Variants in MROH1 observed in about 807,000 individuals in gnomAD.
The protein encoded by MROH1 is maestro heat like repeat family member 1.
In MROH1, 117 loss-of-function variants were observed where a neutral mutation model predicts 116.5. The ratio of observed to expected loss-of-function variants is 1.00; its 90% confidence interval spans 0.86 to 1.17. MROH1 has a LOEUF of 1.17. MROH1 is among the 50% of genes most tolerant of loss of function. The pLI is 0.00. For missense variants in MROH1, 1,873 were observed against 1,338.5 expected (o/e 1.40, Z -6.23); for synonymous variants, 921 against 583.9 (o/e 1.58, Z -8.32).
At chr8:144,229,235 T>A (rs997355128) in intron 14 of MROH1, among the ~76,000 whole-genome samples, 1 of 152,198 alleles carries the variant, frequency 6.6e-6, no homozygotes, top group Non-Finnish European at 1.5e-5. Context: ...TTCATGTTGA[T>A]TTTGTTGACC....
chr8:144,190,057 G>C (rs948725938), intron 7 of MROH1, among the ~76,000 whole-genome samples: 1 of 152,172 alleles, frequency 6.6e-6, no homozygotes, highest in Non-Finnish European at 1.5e-5. Context: ...TTCATTTCAG[G>C]CTCCCCAGCT....
rs940743848 is a variant in MROH1, at chr8:144,254,838, C to G, written c.3454C>G (p.Leu1152Val). Reference sequence around the variant, plus strand: ...CCACACCTGCATGCTGTGGCGGGCGCTGGCGGTGGAGCCTCGCCTAGCTGC... The same window carrying G: ...CCACACCTGCATGCTGTGGCGGGCGGTGGCGGTGGAGCCTCGCCTAGCTGC... The part of the protein sequence containing the change: ...DSHTCMLWRA[L>V]AVEPRLAAQV... Residue 1152 changes from leucine (L) to valine (V), a missense_variant, in exon 34 of 44, where the codon CTG (leucine) becomes GTG (valine). Physicochemically the swap from Leu to Val is conservative, Grantham distance 32 (BLOSUM62 1). Coordinates refer to ENST00000326134, the MANE Select transcript of MROH1 (RefSeq NM_032450.3). The G allele has an allele frequency of 1.4e-4, 112 of 777,014 alleles. No homozygotes were observed. The highest frequency in any genetic ancestry group is 2.4e-4 in the Non-Finnish European group (99 of 417,536). 48.1% of individuals were successfully genotyped at this position (777,014 alleles called of 1,614,324 possible).
Position 144,241,467 on chromosome 8 carries a change from G to A in MROH1, c.2128G>A (p.Val710Met), listed in dbSNP as rs1840967018. 1.0e-5 allele frequency: 8 copies of A among 778,728 alleles called. No individual in the cohort carries two copies. The highest frequency in any genetic ancestry group is 3.6e-4 in the Middle Eastern group (1 of 2,814). The allele number at this position is 778,728 out of a possible 1,614,324, so 48.2% of individuals were successfully genotyped here. ...CACGCTGGCCCAGCTGGAGGACTTC[G>A]TGAGGTCAGAGGTCTTCAGAAAATC... ...EDTLAQLEDFVRSEVFRKSIG... is the reference protein window; with the variant it reads ...EDTLAQLEDFMRSEVFRKSIG... The change falls in exon 22 of 44, where the codon GTG (valine) becomes ATG (methionine). Residue 710 changes from valine (V) to methionine (M), a missense_variant. By Grantham distance (21) the Val-to-Met change is conservative. Coordinates refer to ENST00000326134, the MANE Select transcript of MROH1 (RefSeq NM_032450.3).
At chr8:144,240,218 TGG>T in intron 19 of MROH1, 65 bp downstream of exon 19, 1 of 691,780 alleles carries the variant, frequency 1.4e-6, no homozygotes, top group Non-Finnish European at 2.7e-6. Context: ...GGTGCTGGGG[TGG>T]CAGAGGCTGG....
intron 33 of MROH1, chr8:144,252,247 G>A (rs1564567981): frequency 1.3e-5 from 2 of 153,388 alleles, no homozygotes; most frequent in Non-Finnish European, 2.9e-5. Context: ...ATCAAGGCCG[G>A]GCACTGTGGC....
intron 7 of MROH1, among the ~76,000 whole-genome samples, chr8:144,189,385 C>T (rs879340136): frequency 6.6e-6 from 1 of 152,228 alleles, no homozygotes; most frequent in African/African-American, 2.4e-5. Context: ...CTCAGTTTAT[C>T]TCCCTGTGCC....
chr8:144,154,711 A>C (rs1014136133), intron 1 of MROH1, among the ~76,000 whole-genome samples: 21 of 141,112 alleles, frequency 1.5e-4, no homozygotes, highest in Non-Finnish European at 2.9e-4. Flanking sequence ...CTTGTCACCC[A>C]GGCTGGTGTA....
At chr8:144,240,792 C>T (rs1249026645) in intron 20 of MROH1, 115 bp downstream of exon 20, 2 of 687,898 alleles carry the variant, frequency 2.9e-6, no homozygotes, top group East Asian at 5.4e-5. Flanking sequence ...CCTGGCAGAG[C>T]CTCCTTGTGG....
intron 14 of MROH1, among the ~76,000 whole-genome samples, chr8:144,230,539 A>C (rs189429738): frequency 2.0e-5 from 3 of 150,892 alleles, no homozygotes; most frequent in African/African-American, 4.9e-5. Context: ...TATGCTGTTG[A>C]ATATGGCTTG....
chr8:144,222,245 G>A (rs1474716433), intron 13 of MROH1, among the ~76,000 whole-genome samples: 1 of 152,164 alleles, frequency 6.6e-6, no homozygotes, highest in Non-Finnish European at 1.5e-5. Context: ...TGGGGGCAGG[G>A]TGGCTTTGGG....
chr8:144,236,140 C>T (rs1008805236), intron 14 of MROH1, among the ~76,000 whole-genome samples: 3,317 of 152,238 alleles, frequency 0.022, 110 homozygotes, highest in African/African-American at 0.074. Context: ...GTTTGTTGAC[C>T]TGGATACTTT....
chr8:144,148,203 C>T (rs1261520250), intron 1 of MROH1, 127 bp downstream of exon 1: 1 of 152,362 alleles, frequency 6.6e-6, no homozygotes, highest in Non-Finnish European at 1.5e-5. Context: ...GGAGGCGCCT[C>T]CCCAAGGTCA....
chr8:144,206,151 G>T (rs1832759782), intron 12 of MROH1, among the ~76,000 whole-genome samples: 1 of 152,156 alleles, frequency 6.6e-6, no homozygotes. Flanking sequence ...ACGGGTTCAA[G>T]GGATCTTCCT....
At position 144,180,922 on chromosome 8, in the gene MROH1, A is replaced by G. The variant is rs1243004198; in HGVS notation, c.562+399A>G. Among the ~76,000 whole-genome samples, 2 of 151,922 alleles carry G rather than the reference A, an allele frequency of 1.3e-5. No homozygotes were observed. Among genetic ancestry groups the G allele is most frequent in the Admixed American group, 6.6e-5 (1 of 15,258 alleles). On this transcript the variant is annotated intron_variant, in intron 7 of 43. Coordinates refer to ENST00000326134, the MANE Select transcript of MROH1 (RefSeq NM_032450.3). The surrounding 1 kb of genome is among the most constrained non-coding windows in gnomAD (Gnocchi z 7.4). ...TCATTCACCCCCACCCTCTGCCAGG[A>G]GCCCCATTCCTGGCAGCACTGCCCA... is the stretch of plus-strand genomic sequence containing the variant.
intron 29 of MROH1, 26 bp downstream of exon 29, chr8:144,245,286 G>A: frequency 1.3e-6 from 1 of 773,228 alleles, no homozygotes. Context: ...CCTGGCCCGG[G>A]TGCTGCTGCC....
chr8:144,149,850 G>A (rs1212846968), intron 1 of MROH1, among the ~76,000 whole-genome samples: 2 of 152,044 alleles, frequency 1.3e-5, no homozygotes, highest in Admixed American at 6.6e-5. Context: ...GGCCTGTATT[G>A]AGGAACCATG....
chr8:144,261,765 G>GGAGTAT lies in MROH1; in HGVS notation c.*27_*32dup, dbSNP rs1237190883. On this transcript the variant is annotated 3_prime_UTR_variant, in exon 44 of 44. Transcript: ENST00000326134. ...AGGCTCCGGCCAGCACCCCCAGCGA[G>GGAGTAT]GAGTATGCACCCAGACCTGTGCCTG... The GGAGTAT allele has an allele frequency of 1.4e-6, 1 of 703,522 alleles. No individual in the cohort carries two copies. The highest frequency in any genetic ancestry group is 2.6e-6 in the Non-Finnish European group (1 of 385,882). The allele number at this position is 703,522 out of a possible 1,614,324, so 43.6% of individuals were successfully genotyped here.
Position 144,168,298 on chromosome 8 carries a change from T to C in MROH1, c.26T>C (p.Leu9Pro), listed in dbSNP as rs1221052978. MTESSMKK[L>P]ASTLLDAITD... Reference sequence around the variant, plus strand: ...TAACCAGGCTTTGTCGCTGCAGAGCTGGCCTCCACCCTGCTGGACGCCATC... The same window carrying C: ...TAACCAGGCTTTGTCGCTGCAGAGCCGGCCTCCACCCTGCTGGACGCCATC... The change falls in exon 4 of 44, where the codon CTG becomes CCG. Residue 9 changes from leucine to proline, a missense_variant. Coordinates refer to ENST00000326134, the MANE Select transcript of MROH1 (RefSeq NM_032450.3). The C allele has an allele frequency of 6.2e-7, 1 of 1,600,660 alleles. No individual in the cohort carries two copies. The highest frequency in any genetic ancestry group is 2.2e-5 in the East Asian group (1 of 44,702).
Position 144,239,658 on chromosome 8 carries a change from G to A in MROH1, c.1677G>A (p.Ala559=), listed in dbSNP as rs929798355. ...ACCTAGGGGACGGACGTGGGGCAGC[G>A]GCGCTGCGCCTCCTCAGTGTTCTGC... ...SPYLGDGRGA[A]ALRLLSVLHP... Residue 559 remains alanine (A), a synonymous_variant, in exon 18 of 44, where the codon GCG becomes GCA. Transcript: ENST00000326134. 3,478 of 765,524 alleles carry A rather than the reference G, an allele frequency of 4.5e-3. 59 individuals are homozygous for A. The African/African-American group carries it at 0.046, about 10-fold the overall frequency. The allele number at this position is 765,524 out of a possible 1,614,324, so 47.4% of individuals were successfully genotyped here. A position where few individuals can be genotyped will look rare whatever the true frequency, so the allele number is the denominator to read the frequency against.
Sources: allele counts gnomAD v4.1 joint callset (sites outside exome capture counted in the v4.1 genomes callset), GRCh38; gene constraint gnomAD v4.1.1; non-coding constraint Gnocchi (gnomAD v3.1); transcripts MANE v1.5; gene names NCBI Gene and HGNC (gene_info 2026-07-23, HGNC 2026-07-21).